The following PDE8B variants were observed in gnomAD, a reference collection of about 807,000 sequenced individuals.
The protein encoded by PDE8B is phosphodiesterase 8B.
In PDE8B, 26 loss-of-function variants were observed where a neutral mutation model predicts 101.3. The observed-to-expected ratio is 0.26, with a 90% CI of 0.19 to 0.36. PDE8B has a LOEUF of 0.36. PDE8B is among the 10% of genes least tolerant of loss of function. PDE8B has a pLI of 1.00. For synonymous variants in PDE8B, 424 were observed against 429.3 expected (o/e 0.99, Z 0.15); for missense variants, 810 against 1,163.1 (o/e 0.70, Z 4.42).
At chr5:77,186,191 T>G in the PDE8B span, among the ~76,000 whole-genome samples, 20 of 152,150 alleles carry the variant, frequency 1.3e-4, no homozygotes, top group Non-Finnish European at 2.5e-4. Context: ...TCCCAGGGCT[T>G]CCCTGGTGTG....
At chr5:77,352,130 T>C (rs1315362203) in intron 9 of PDE8B, among the ~76,000 whole-genome samples, 2 of 152,220 alleles carry the variant, frequency 1.3e-5, no homozygotes, top group African/African-American at 4.8e-5. Flanking sequence ...CTCTGGATGA[T>C]GGGGGCACTG....
At position 77,351,167 on chromosome 5, in the gene PDE8B, G is replaced by C; in HGVS notation, c.1106+14G>C. The C allele has an allele frequency of 1.9e-6, 3 of 1,586,888 alleles. No individual in the cohort carries two copies. Among genetic ancestry groups the C allele is most frequent in the Non-Finnish European group, 2.6e-6 (3 of 1,155,268 alleles). On this transcript the variant is annotated intron_variant, in intron 9 of 21. Transcript: ENST00000264917. ...TGGCCAAGGAGGGTGAGAGCAAACTGTTCAACTCTTTTAGCTGAAGATAAA... is the reference window on the plus strand; with the variant it reads ...TGGCCAAGGAGGGTGAGAGCAAACTCTTCAACTCTTTTAGCTGAAGATAAA...
intron 1 of PDE8B, among the ~76,000 whole-genome samples, chr5:77,283,285 C>A (rs1166440961): frequency 1.3e-5 from 2 of 152,170 alleles, no homozygotes; most frequent in Admixed American, 1.3e-4. Flanking sequence ...CTTCCACTGT[C>A]AACATCCCCC....
intron 10 of PDE8B, 110 bp downstream of exon 10, chr5:77,353,516 AGCT>A: frequency 1.3e-6 from 1 of 766,924 alleles, no homozygotes; most frequent in Non-Finnish European, 2.4e-6. Context: ...GTCTAATTGT[AGCT>A]GCCAATTAAG....
At chr5:77,421,135 G>GGACC (rs1796553052) in intron 19 of PDE8B, among the ~76,000 whole-genome samples, 1 of 152,112 alleles carries the variant, frequency 6.6e-6, no homozygotes, top group African/African-American at 2.4e-5. Flanking sequence ...CACTAGGTGT[G>GGACC]GACCAGTCTT....
At chr5:77,166,072 C>A in the PDE8B span, among the ~76,000 whole-genome samples, 2 of 151,476 alleles carry the variant, frequency 1.3e-5, no homozygotes, top group African/African-American at 4.8e-5. Context: ...GTTCTGGAAG[C>A]CAGCTGTGGC....
chr5:77,104,746 T>G, the PDE8B span: 1 of 152,240 alleles, frequency 6.6e-6, no homozygotes, highest in Non-Finnish European at 1.5e-5. Flanking sequence ...AGTTGAGGAT[T>G]TGAGAATTTG....
intron 1 of PDE8B, among the ~76,000 whole-genome samples, chr5:77,288,611 A>G (rs1437135768): frequency 6.6e-6 from 1 of 152,192 alleles, no homozygotes; most frequent in Non-Finnish European, 1.5e-5. Flanking sequence ...GCACAAGACC[A>G]GAGAAATCTG....
In PDE8B at chr5:77,337,304, G is replaced by A; in HGVS notation, c.786G>A (p.Gln262=). ...TAGAACATGGGGAAGTTCGCTCCCA[G>A]TTCAAATTACGGTATGTAGCAAAAT... The part of the protein sequence containing the change: ...IQIEHGEVRS[Q]FKLRACNSVF... The change falls in exon 6 of 22, where the codon CAG becomes CAA. Residue 262 remains glutamine (Q), a synonymous_variant. Coordinates refer to ENST00000264917, the MANE Select transcript of PDE8B (RefSeq NM_003719.5). The A allele has an allele frequency of 6.4e-7, 1 of 1,558,178 alleles. No individual in the cohort carries two copies.
chr5:77,382,275 C>CA (rs5868865), intron 10 of PDE8B, among the ~76,000 whole-genome samples: 8 of 148,850 alleles, frequency 5.4e-5, no homozygotes, highest in Non-Finnish European at 7.5e-5. Context: ...TTCCAACTAT[C>CA]AAAAAAAAAA....
At position 77,409,025 on chromosome 5, in the gene PDE8B, C is replaced by T; in HGVS notation, c.1498C>T (p.His500Tyr). 6.2e-7 allele frequency: 1 copy of T among 1,613,770 alleles called. No homozygotes were observed. Residue 500 changes from histidine (H) to tyrosine (Y), a missense_variant, in exon 14 of 22, where the codon CAC becomes TAC. This residue lies in a region of PDE8B where 325 missense variants were observed against 560.9 expected (regional missense o/e 0.58). Coordinates refer to ENST00000264917, the MANE Select transcript of PDE8B (RefSeq NM_003719.5). ...GCTGGGTACCAAAGATGAAGATCCC[C>T]ACACCAGTGATCTTGTTGGAGGCCT... ...PQLGTKDEDP[H>Y]TSDLVGGLMT... is the part of the protein sequence containing the mutation.
chr5:77,307,026 T>A (rs1200337912), intron 1 of PDE8B, among the ~76,000 whole-genome samples: 2 of 152,208 alleles, frequency 1.3e-5, no homozygotes, highest in Non-Finnish European at 2.9e-5. Context: ...GTCACAGATC[T>A]TATTACGTTA....
chr5:77,422,775 C>T (rs1442596039), intron 20 of PDE8B, among the ~76,000 whole-genome samples: 1 of 152,016 alleles, frequency 6.6e-6, no homozygotes, highest in East Asian at 1.9e-4. Flanking sequence ...GTGGGGTCTG[C>T]ATGGCTGAAA....
chr5:77,368,191 A>T (rs535586626), intron 10 of PDE8B, among the ~76,000 whole-genome samples: 1 of 152,132 alleles, frequency 6.6e-6, no homozygotes, highest in African/African-American at 2.4e-5. Flanking sequence ...TTTCTCCAGA[A>T]TCACTGTATT....
chr5:77,401,425 G>T (rs144397740), intron 11 of PDE8B, among the ~76,000 whole-genome samples: 1 of 152,258 alleles, frequency 6.6e-6, no homozygotes, highest in African/African-American at 2.4e-5. Flanking sequence ...TAGACACTTT[G>T]CAAATACTCA....
At chr5:77,274,622 A>C (rs1374209327) in intron 1 of PDE8B, among the ~76,000 whole-genome samples, 1 of 152,194 alleles carries the variant, frequency 6.6e-6, no homozygotes, top group African/African-American at 2.4e-5. Flanking sequence ...ATAAATTTAG[A>C]AGATTAATGT....
chr5:77,118,966 CA>C, the PDE8B span: 1 of 152,190 alleles, frequency 6.6e-6, no homozygotes, highest in East Asian at 1.9e-4. Flanking sequence ...AGTTTATTTG[CA>C]AAATGATACT....
At chr5:77,357,655 C>T (rs895004599) in intron 10 of PDE8B, among the ~76,000 whole-genome samples, 2 of 152,134 alleles carry the variant, frequency 1.3e-5, no homozygotes, top group Non-Finnish European at 2.9e-5. Flanking sequence ...CACCGTTGGT[C>T]GATTTCTTTT....
chr5:77,206,600 G>A (rs1200568917), upstream of PDE8B, among the ~76,000 whole-genome samples: 1 of 152,210 alleles, frequency 6.6e-6, no homozygotes, highest in Non-Finnish European at 1.5e-5. Context: ...GAGGAGGCTG[G>A]TGCGGCTGGA....
Sources: gnomAD v4.1 joint callset for allele counts (sites outside exome capture counted in the v4.1 genomes callset) on GRCh38, gnomAD v4.1.1 for gene constraint, gnomAD v4.1.1 regional missense constraint, MANE v1.5 for transcripts, NCBI Gene and HGNC (gene_info 2026-07-23, HGNC 2026-07-21) for gene names.